Variants in PGM1 observed in about 807,000 individuals in gnomAD.
The protein encoded by PGM1 is phosphoglucomutase 1.
Under a neutral mutation model 55.6 loss-of-function variants are expected in PGM1, and 52 were observed. The ratio of observed to expected loss-of-function variants is 0.94; its 90% CI spans 0.75 to 1.18. PGM1 has a LOEUF of 1.18. Ranked by LOEUF, PGM1 falls within the 50% of genes most tolerant of loss-of-function variation. The pLI is 0.00. For missense variants in PGM1, 724 were observed against 729.3 expected (o/e 0.99, Z 0.08); for synonymous variants, 287 against 271.7 (o/e 1.06, Z -0.55).
chr1:63,649,803 A>G (rs1367105846), intron 8 of PGM1, among the ~76,000 whole-genome samples: 6 of 152,286 alleles, frequency 3.9e-5, no homozygotes, highest in African/African-American at 1.4e-4. Context: ...AAAAATCCCT[A>G]CTTTATAACA....
At chr1:63,657,598 C>G (rs1044029593) in intron 10 of PGM1, among the ~76,000 whole-genome samples, 1 of 152,156 alleles carries the variant, frequency 6.6e-6, no homozygotes, top group Non-Finnish European at 1.5e-5. Context: ...TCCCCCAAAA[C>G]TAAAACTCTG....
intron 1 of PGM1, chr1:63,623,499 A>G: frequency 6.2e-7 from 1 of 1,612,512 alleles, no homozygotes; most frequent in Non-Finnish European, 8.5e-7. Flanking sequence ...GGACATATAG[A>G]AAAATGGAAG....
At chr1:63,640,306 C>T (rs952314074) in intron 7 of PGM1, among the ~76,000 whole-genome samples, 2 of 152,222 alleles carry the variant, frequency 1.3e-5, no homozygotes, top group South Asian at 2.1e-4. Context: ...TCAGGTTTCC[C>T]AGAGCATGTG....
At chr1:63,601,322 G>C (rs774660358) in intron 1 of PGM1, among the ~76,000 whole-genome samples, 3 of 152,174 alleles carry the variant, frequency 2.0e-5, no homozygotes, top group Non-Finnish European at 4.4e-5. Context: ...AGATGAAGGA[G>C]TTTAGTAAAA....
chr1:63,634,847 A>G lies in PGM1; in HGVS notation c.701A>G (p.Lys234Arg). The G allele has an allele frequency of 7.4e-6, 12 of 1,613,356 alleles. No individual in the cohort carries two copies. Among genetic ancestry groups the G allele is most frequent in the Non-Finnish European group, 1.0e-5 (12 of 1,179,918 alleles). Residue 234 changes from lysine (K) to arginine (R), a missense_variant, in exon 5 of 11, where the codon AAG becomes AGG. Around this residue, in one of 3 missense-constraint regions of PGM1, gnomAD observed 379 missense variants for 357.5 expected, o/e 1.06. Transcript: ENST00000371084. ...TATATAGTTGTGGGACCGTATGTAAAGAAGATCCTCTGTGAAGAACTCGGT... is the reference window on the plus strand; with the variant it reads ...TATATAGTTGTGGGACCGTATGTAAGGAAGATCCTCTGTGAAGAACTCGGT... The part of the protein sequence containing the change: ...AMHGVVGPYV[K>R]KILCEELGAP...
At chr1:63,639,582 G>A (rs184803367) in intron 7 of PGM1, among the ~76,000 whole-genome samples, 15 of 151,904 alleles carry the variant, frequency 9.9e-5, no homozygotes, top group East Asian at 9.7e-4. Flanking sequence ...ATCAGTCTCC[G>A]GCCAGGTTAT....
rs1186633950 is a variant in PGM1, at chr1:63,594,020, T to A, written c.246+286T>A. The A allele has an allele frequency of 4.5e-6, 5 of 1,122,690 alleles. No individual in the cohort carries two copies. In the African/African-American group the frequency reaches 8.2e-5, roughly 18 times the overall value. 69.5% of individuals were successfully genotyped at this position (1,122,690 alleles called of 1,614,324 possible). A position where few individuals can be genotyped will look rare whatever the true frequency, so the allele number is the denominator to read the frequency against. ...TCCCAAGGTCACGCCCGACTCTCCGTCTCTAGCCGCTGCCTTCCCTCTCCC... is the reference window on the plus strand; with the variant it reads ...TCCCAAGGTCACGCCCGACTCTCCGACTCTAGCCGCTGCCTTCCCTCTCCC... On this transcript the variant is annotated intron_variant, in intron 1 of 10. Transcript: ENST00000371084.
At chr1:63,648,019 C>T (rs533967316) in intron 7 of PGM1, among the ~76,000 whole-genome samples, 2 of 152,320 alleles carry the variant, frequency 1.3e-5, no homozygotes, top group Admixed American at 6.5e-5. Context: ...TGTGATTCCT[C>T]CTGTATACCC....
intron 1 of PGM1, chr1:63,594,199 C>G: frequency 1.1e-6 from 1 of 881,990 alleles, no homozygotes; most frequent in Non-Finnish European, 1.4e-6. Flanking sequence ...CGCTCCTCTG[C>G]TATTCTCGGC....
At chr1:63,638,635 C>G in intron 6 of PGM1, 50 bp from the exon 7 acceptor site, 5 of 1,229,746 alleles carry the variant, frequency 4.1e-6, no homozygotes, top group Non-Finnish European at 4.8e-6. Context: ...CCTCACATGG[C>G]CACGCTAACA....
intron 10 of PGM1, 93 bp downstream of exon 10, chr1:63,654,559 T>A: frequency 7.9e-7 from 1 of 1,267,854 alleles, no homozygotes; most frequent in Non-Finnish European, 1.1e-6. Flanking sequence ...ATTTCTCAAA[T>A]GACTCAACAA....
chr1:63,633,906 GTGTGTGTGTGTGTA>G (rs1252865264), intron 4 of PGM1, among the ~76,000 whole-genome samples: 54 of 35,338 alleles, frequency 1.5e-3, no homozygotes, highest in African/African-American at 3.6e-3. Flanking sequence ...GTGTGTGTGT[GTGTGTGTGTGTGTA>G]TATATATATA....
chr1:63,596,897 T>A (rs1376059878), intron 1 of PGM1, among the ~76,000 whole-genome samples: 2 of 152,222 alleles, frequency 1.3e-5, no homozygotes, highest in African/African-American at 2.4e-5. Context: ...TCTTGTTTAT[T>A]TGCTCTGAAC....
chr1:63,647,646 T>C (rs1649691767), intron 7 of PGM1, among the ~76,000 whole-genome samples: 1 of 152,070 alleles, frequency 6.6e-6, no homozygotes, highest in South Asian at 2.1e-4. Context: ...AACAATTTTT[T>C]AAAGCTATTT....
chr1:63,649,435 G>A (rs1649745389), intron 8 of PGM1, among the ~76,000 whole-genome samples: 2 of 152,142 alleles, frequency 1.3e-5, no homozygotes, highest in East Asian at 3.9e-4. Context: ...AATCTAACAA[G>A]AATTTTTCTG....
chr1:63,607,266 A>T (rs1218739881), intron 1 of PGM1, among the ~76,000 whole-genome samples: 2 of 152,168 alleles, frequency 1.3e-5, no homozygotes, highest in Non-Finnish European at 2.9e-5. Flanking sequence ...AAACCACAGG[A>T]TCATGAGAAG....
In PGM1 at chr1:63,593,721, C is replaced by G; in HGVS notation, c.233C>G (p.Ala78Gly). ...KEAIQLIARI[A>G]AANGIGRLVI... ...GCCATCCAGCTCATCGCTCGCATCG[C>G]TGCCGCCAACGGGGTAAGGGATGCG... Residue 78 changes from alanine (A) to glycine (G), a missense_variant, in exon 1 of 11, where the codon GCT becomes GGT. Ala to Gly is a moderately conservative substitution (Grantham distance 60). Around this residue, in one of 3 missense-constraint regions of PGM1, gnomAD observed 379 missense variants for 357.5 expected, o/e 1.06. Transcript: ENST00000371084. 6.3e-7 allele frequency: 1 copy of G among 1,597,282 alleles called. No homozygotes were observed. Among genetic ancestry groups the G allele is most frequent in the South Asian group, 1.1e-5 (1 of 89,272 alleles).
intron 7 of PGM1, among the ~76,000 whole-genome samples, chr1:63,647,469 A>G (rs1195741118): frequency 6.7e-6 from 1 of 148,588 alleles, no homozygotes; most frequent in Non-Finnish European, 1.5e-5. Flanking sequence ...TCTTTTATGA[A>G]TACCGAATTT....
At position 63,599,048 on chromosome 1, in the gene PGM1, C is replaced by G. The variant is rs79504721; in HGVS notation, c.246+5314C>G. Among the ~76,000 whole-genome samples the G allele has an allele frequency of 3.3e-3, 508 of 152,264 alleles. 6 individuals carry two copies. Among genetic ancestry groups the G allele is most frequent in the Middle Eastern group, 6.8e-3 (2 of 294 alleles). On this transcript the variant is annotated intron_variant, in intron 1 of 10. Coordinates refer to ENST00000371084, the MANE Select transcript of PGM1 (RefSeq NM_002633.3). ...GAAAAGGAAATAAAAGAACACTGAG[C>G]AGGAAGGGGAAGGTTTTGAGACTCT...
Sources: allele counts gnomAD v4.1 joint callset (sites outside exome capture counted in the v4.1 genomes callset), GRCh38; gene constraint gnomAD v4.1.1; regional missense constraint gnomAD v4.1.1; transcripts MANE v1.5; gene names NCBI Gene and HGNC (gene_info 2026-07-23, HGNC 2026-07-21).